ADAM19: variants seen among roughly 807,000 people sequenced by gnomAD.
ADAM19 encodes the protein ADAM metallopeptidase domain 19.
In ADAM19, 65 loss-of-function variants were observed where a neutral mutation model predicts 114.7. The observed-to-expected ratio is 0.57, with a 90% CI of 0.46 to 0.70. ADAM19 has a LOEUF of 0.70. Among genes scored for constraint, ADAM19 ranks in the 30% least tolerant of loss-of-function variants. ADAM19 has a pLI of 0.00. For synonymous variants in ADAM19, 466 were observed against 460.5 expected, an observed-to-expected ratio of 1.01 and a Z score of -0.15; for missense variants, 1,063 against 1,204.7, an observed-to-expected ratio of 0.88 and a Z score of 1.74.
intron 4 of ADAM19, among the ~76,000 whole-genome samples, chr5:157,536,199 T>G (rs553325790): frequency 6.6e-6 from 1 of 152,304 alleles, no homozygotes; most frequent in African/African-American, 2.4e-5. Context: ...CCACGTCTCT[T>G]GGATCTATCA....
chr5:157,514,357 C>A (rs1315672720), intron 7 of ADAM19, among the ~76,000 whole-genome samples: 1 of 145,936 alleles, frequency 6.9e-6, no homozygotes, highest in Non-Finnish European at 1.5e-5. Context: ...GAGACAGAGT[C>A]TCGCTCTTGT....
chr5:157,509,211 A>G (rs2113725661), intron 9 of ADAM19, 90 bp downstream of exon 9: 1 of 1,380,350 alleles, frequency 7.2e-7, no homozygotes, highest in East Asian at 2.4e-5. Flanking sequence ...TACAACCAAC[A>G]CTCGCCATGG....
At chr5:157,538,133 AG>A (rs1363473790) in intron 3 of ADAM19, 142 bp from the exon 4 acceptor site, 1 of 518,554 alleles carries the variant, frequency 1.9e-6, no homozygotes, top group African/African-American at 2.0e-5. Flanking sequence ...CAAGGGGCTA[AG>A]GAACAAAAAG....
At chr5:157,504,027 C>T (rs1755655477) in intron 11 of ADAM19, among the ~76,000 whole-genome samples, 1 of 152,196 alleles carries the variant, frequency 6.6e-6, no homozygotes, top group Non-Finnish European at 1.5e-5. Flanking sequence ...GCTTTTCCTT[C>T]AGTGGGAAGG....
intron 14 of ADAM19, among the ~76,000 whole-genome samples, chr5:157,496,208 G>T (rs750156056): frequency 2.0e-5 from 3 of 152,132 alleles, no homozygotes; most frequent in Non-Finnish European, 2.9e-5. Context: ...TTTTGTGGAA[G>T]ATGATTTTAT....
At chr5:157,492,885 C>A in intron 16 of ADAM19, 88 bp downstream of exon 16, 1 of 1,464,720 alleles carries the variant, frequency 6.8e-7, no homozygotes, top group South Asian at 1.2e-5. Flanking sequence ...GAGGTGGCAT[C>A]TGAGCCCAGG....
chr5:157,477,479 C>A lies in ADAM19; in HGVS notation c.*3470G>T. On this transcript the variant is annotated 3_prime_UTR_variant, in exon 23 of 23. Coordinates refer to ENST00000257527, the MANE Select transcript of ADAM19 (RefSeq NM_033274.5). ...CAATCTCCCAAATAAAAAGAAAATT[C>A]ACATTGCCCTGGATCCCAGACACAT... The A allele has an allele frequency of 9.7e-7, 1 of 1,036,100 alleles. No homozygotes were observed. Among genetic ancestry groups the A allele is most frequent in the Non-Finnish European group, 1.2e-6 (1 of 856,946 alleles). The allele number at this position is 1,036,100 out of a possible 1,614,324, so 64.2% of individuals were successfully genotyped here.
At position 157,554,364 on chromosome 5, in the gene ADAM19, G is replaced by A. The variant is rs141919136; in HGVS notation, c.251+10009C>T. ...AATAAGCTTGAGACAAAAGAAAACC[G>A]TGGACATCCTTCCTGGCTGCACAGG... On this transcript the variant is annotated intron_variant, in intron 3 of 22. Transcript: ENST00000257527. Among the ~76,000 whole-genome samples, 47 of 152,330 alleles carry A rather than the reference G, an allele frequency of 3.1e-4. No individual in the cohort carries two copies. The East Asian group carries it at 8.1e-3, about 26-fold the overall frequency.
chr5:157,477,611 A>G lies in ADAM19; in HGVS notation c.*3338T>C, dbSNP rs993320607. ...TTCGCAGGCTCCCCTGGGGAAGGGG[A>G]CCTTTCCAGTTGGCGTTCCCATGGC... is the stretch of plus-strand genomic sequence containing the variant. On this transcript the variant is annotated 3_prime_UTR_variant, in exon 23 of 23. Coordinates refer to ENST00000257527, the MANE Select transcript of ADAM19 (RefSeq NM_033274.5). The G allele has an allele frequency of 7.8e-7, 1 of 1,279,286 alleles. No homozygotes were observed. The highest frequency in any genetic ancestry group is 1.0e-6 in the Non-Finnish European group (1 of 982,504). The allele number at this position is 1,279,286 out of a possible 1,614,324, so 79.2% of individuals were successfully genotyped here.
intron 3 of ADAM19, among the ~76,000 whole-genome samples, chr5:157,554,257 G>T (rs1234699920): frequency 6.6e-6 from 1 of 152,188 alleles, no homozygotes; most frequent in Non-Finnish European, 1.5e-5. Flanking sequence ...TCGGATAAGG[G>T]TCCATCTAAG....
chr5:157,518,619 G>A (rs576009219), intron 7 of ADAM19, among the ~76,000 whole-genome samples: 58 of 152,330 alleles, frequency 3.8e-4, no homozygotes, highest in Non-Finnish European at 5.9e-4. Flanking sequence ...CCTGACCTCA[G>A]GTGATCCACC....
intron 2 of ADAM19, 107 bp from the exon 3 acceptor site, chr5:157,564,550 A>C: frequency 2.1e-6 from 2 of 952,318 alleles, no homozygotes; most frequent in South Asian, 2.6e-5. Context: ...ACAGGAAGTG[A>C]ATGAGCAAAG....
chr5:157,491,384 G>A (rs1020750503), intron 18 of ADAM19, among the ~76,000 whole-genome samples: 18 of 152,170 alleles, frequency 1.2e-4, no homozygotes, highest in East Asian at 7.7e-4. Flanking sequence ...TCTACTAAGC[G>A]GGCTCCCCCT....
chr5:157,502,950 G>A lies in ADAM19; in HGVS notation c.1161C>T (p.Cys387=), dbSNP rs1223441705. ...GATACCTGTCCAGCTCCCTCCTGTT[G>A]CATCCATTGAACACTTTGGGAAAGG... ...GHPFPKVFNG[C]NRRELDRYLQ... The change falls in exon 12 of 23, where the codon TGC becomes TGT. Residue 387 remains cysteine, a synonymous_variant. Coordinates refer to ENST00000257527, the MANE Select transcript of ADAM19 (RefSeq NM_033274.5). The A allele has an allele frequency of 1.2e-6, 2 of 1,614,108 alleles. No individual in the cohort carries two copies. Among genetic ancestry groups the A allele is most frequent in the Non-Finnish European group, 1.7e-6 (2 of 1,180,006 alleles).
intron 19 of ADAM19, 57 bp downstream of exon 19, chr5:157,490,253 T>C: frequency 6.3e-7 from 1 of 1,598,244 alleles, no homozygotes; most frequent in Non-Finnish European, 8.6e-7. Context: ...GTACCATTTA[T>C]GGAGACCTTT....
chr5:157,541,222 G>A (rs1465046021), intron 3 of ADAM19, among the ~76,000 whole-genome samples: 4 of 152,178 alleles, frequency 2.6e-5, no homozygotes. Flanking sequence ...ACGAGGGGCT[G>A]GCTCAGCAGA....
intron 7 of ADAM19, among the ~76,000 whole-genome samples, chr5:157,517,564 T>C (rs957424101): frequency 6.6e-6 from 1 of 152,174 alleles, no homozygotes; most frequent in African/African-American, 2.4e-5. Flanking sequence ...CCCAAAACCA[T>C]GTTGAATCCC....
At chr5:157,538,707 C>T (rs374886812) in intron 3 of ADAM19, among the ~76,000 whole-genome samples, 60 of 152,342 alleles carry the variant, frequency 3.9e-4, no homozygotes, top group African/African-American at 1.4e-3. Flanking sequence ...TCTCTCACCA[C>T]AGACCCCTTG....
intron 3 of ADAM19, among the ~76,000 whole-genome samples, chr5:157,550,339 G>C (rs1013017388): frequency 1.3e-5 from 2 of 152,150 alleles, no homozygotes; most frequent in African/African-American, 2.4e-5. Context: ...CAGAGTGTGT[G>C]TCTGTTTCCA....
Sources: allele counts gnomAD v4.1 joint callset (sites outside exome capture counted in the v4.1 genomes callset), GRCh38; gene constraint gnomAD v4.1.1; transcripts MANE v1.5; gene names NCBI Gene and HGNC (gene_info 2026-07-23, HGNC 2026-07-21).